Variants in PHYKPL observed in about 807,000 individuals in gnomAD.
PHYKPL encodes the protein 5-phosphohydroxy-L-lysine phospho-lyase.
PHYKPL carries 42 observed loss-of-function variants against 51.3 expected under a neutral mutation model. The ratio of observed to expected loss-of-function variants is 0.82; its 90% confidence interval spans 0.64 to 1.06. The LOEUF is 1.06. Ranked by LOEUF, PHYKPL falls within the 50% of genes least tolerant of loss-of-function variation. PHYKPL has a pLI of 0.00. For missense variants in PHYKPL, 655 were observed against 586.6 expected (o/e 1.12, Z -1.20); for synonymous variants, 264 against 236.0 (o/e 1.12, Z -1.09).
At chr5:178,231,113 G>A (rs1763306845) in intron 2 of PHYKPL, among the ~76,000 whole-genome samples, 1 of 152,186 alleles carries the variant, frequency 6.6e-6, no homozygotes, top group African/African-American at 2.4e-5. Context: ...GGCCAGCACT[G>A]TGCTACGTTG....
At chr5:178,207,148 G>T, downstream of PHYKPL, 2 of 1,614,150 alleles carry the variant, frequency 1.2e-6, no homozygotes, top group Non-Finnish European at 1.7e-6. Flanking sequence ...ACGAGGTTTT[G>T]TGTTTATCAC....
Position 178,232,744 on chromosome 5 carries a change from T to G in PHYKPL, c.-194A>C. On this transcript the variant is annotated 5_prime_UTR_variant, in exon 1 of 13. Transcript: ENST00000308158. ...CGCTTGCCCACTGGGCCTGGCAGCC[T>G]TCCGGCCCGTGGTCGTGCCTTGGCA... is the stretch of plus-strand genomic sequence containing the variant. 2 of 534,110 alleles carry G rather than the reference T, an allele frequency of 3.7e-6. No homozygotes were observed. The highest frequency in any genetic ancestry group is 5.5e-6 in the Non-Finnish European group (2 of 362,502). 33.1% of individuals were successfully genotyped at this position (534,110 alleles called of 1,614,324 possible). A position where few individuals can be genotyped will look rare whatever the true frequency, so the allele number is the denominator to read the frequency against.
intron 8 of PHYKPL, among the ~76,000 whole-genome samples, chr5:178,218,203 C>T (rs374307724): frequency 3.2e-5 from 3 of 94,920 alleles, no homozygotes; most frequent in Non-Finnish European, 5.5e-5. Flanking sequence ...GGTGACAGAG[C>T]GAAACTCCGT....
intron 3 of PHYKPL, chr5:178,228,069 T>C (rs1054034805): frequency 5.8e-6 from 1 of 171,384 alleles, no homozygotes; most frequent in Non-Finnish European, 1.3e-5. Flanking sequence ...CTGGAGATGT[T>C]TGTCAGATGT....
At chr5:178,231,717 T>C (rs142085224) in intron 1 of PHYKPL, 194 bp from the exon 2 acceptor site, 30 of 1,541,498 alleles carry the variant, frequency 1.9e-5, no homozygotes, top group Non-Finnish European at 2.5e-5. Flanking sequence ...GCAGATGGGG[T>C]AACAAGTCGC....
chr5:178,218,927 T>C lies in PHYKPL; in HGVS notation c.927+3428A>G, dbSNP rs551234410. Reference sequence around the variant, plus strand: ...TATAAGAAAAAAATTTGAGCCAACATTTTACTCCTGAAAACAGAGCAAGAC... The same window carrying C: ...TATAAGAAAAAAATTTGAGCCAACACTTTACTCCTGAAAACAGAGCAAGAC... On this transcript the variant is annotated intron_variant, in intron 8 of 12. Coordinates refer to ENST00000308158, the MANE Select transcript of PHYKPL (RefSeq NM_153373.4). 1.1e-4 allele frequency among the ~76,000 whole-genome samples: 17 copies of C among 152,102 alleles called. No individual in the cohort carries two copies. In the East Asian group the frequency reaches 3.1e-3, roughly 28 times the overall value.
At chr5:178,222,133 A>G (rs1233620512) in intron 8 of PHYKPL, among the ~76,000 whole-genome samples, 1 of 152,236 alleles carries the variant, frequency 6.6e-6, no homozygotes, top group Non-Finnish European at 1.5e-5. Context: ...TATATATTTT[A>G]TAAGACATGG....
downstream of PHYKPL, among the ~76,000 whole-genome samples, chr5:178,207,577 C>T (rs772751228): frequency 1.3e-5 from 2 of 151,930 alleles, no homozygotes; most frequent in African/African-American, 4.8e-5. Flanking sequence ...CTCAGAAGAT[C>T]CTAGAACTTC....
At chr5:178,231,915 C>T (rs1024207328) in intron 1 of PHYKPL, 1 of 1,290,998 alleles carries the variant, frequency 7.7e-7, no homozygotes, top group Non-Finnish European at 1.0e-6. Context: ...TGGCTCTCAG[C>T]CCTAAACAGC....
At position 178,232,739 on chromosome 5, in the gene PHYKPL, C is replaced by T; in HGVS notation, c.-189G>A. On this transcript the variant is annotated 5_prime_UTR_variant, in exon 1 of 13. Transcript: ENST00000308158. ...TTCTTCGCTTGCCCACTGGGCCTGG[C>T]AGCCTTCCGGCCCGTGGTCGTGCCT... 1.8e-6 allele frequency: 1 copy of T among 571,186 alleles called. No homozygotes were observed. Among genetic ancestry groups the T allele is most frequent in the Non-Finnish European group, 2.5e-6 (1 of 393,504 alleles). The allele number at this position is 571,186 out of a possible 1,614,324, so 35.4% of individuals were successfully genotyped here.
Position 178,213,115 on chromosome 5 carries a change from G to A in PHYKPL, c.1173-12C>T. 1.9e-6 allele frequency: 3 copies of A among 1,613,572 alleles called. No individual in the cohort carries two copies. The highest frequency in any genetic ancestry group is 2.5e-6 in the Non-Finnish European group (3 of 1,179,710). ...AGTTCTCCTTCAGCCTGTGAGGACA[G>A]GACACCCCTTCACATGGCCTTCAAG... is the stretch of plus-strand genomic sequence containing the variant. On this transcript the variant is annotated splice_polypyrimidine_tract_variant and intron_variant, in intron 10 of 12. Coordinates refer to ENST00000308158, the MANE Select transcript of PHYKPL (RefSeq NM_153373.4).
At chr5:178,225,695 A>T in intron 3 of PHYKPL, 1 of 492,964 alleles carries the variant, frequency 2.0e-6, no homozygotes, top group Non-Finnish European at 3.7e-6. Context: ...AAAAAACCCA[A>T]ACCATTGTTT....
intron 12 of PHYKPL, chr5:178,210,325 G>A: frequency 6.2e-7 from 1 of 1,611,794 alleles, no homozygotes; most frequent in East Asian, 2.2e-5. Context: ...CCCAGGGGAG[G>A]CAGGACAGTG....
intron 12 of PHYKPL, chr5:178,210,665 T>C: frequency 6.7e-7 from 1 of 1,486,442 alleles, no homozygotes; most frequent in Non-Finnish European, 9.4e-7. Context: ...ACATGCTTTG[T>C]TTGGATATGG....
intron 3 of PHYKPL, among the ~76,000 whole-genome samples, chr5:178,226,255 T>G (rs1762276600): frequency 1.3e-5 from 2 of 151,834 alleles, no homozygotes; most frequent in Non-Finnish European, 1.5e-5. Context: ...TTTCGTATTT[T>G]CAGTAAAGAC....
chr5:178,230,018 T>G lies in PHYKPL; in HGVS notation c.260A>C (p.Asp87Ala), dbSNP rs1217261004. 2 of 1,614,220 alleles carry G rather than the reference T, an allele frequency of 1.2e-6. No homozygotes were observed. The highest frequency in any genetic ancestry group is 1.7e-6 in the Non-Finnish European group (2 of 1,180,034). The change falls in exon 3 of 13, where the codon GAC becomes GCC. Residue 87 changes from aspartate to alanine, a missense_variant. Physicochemically the swap from Asp to Ala is moderately radical, Grantham distance 126. Coordinates refer to ENST00000308158, the MANE Select transcript of PHYKPL (RefSeq NM_153373.4). ...VLNTNSRYLHDNIVDYAQRLS... is the reference protein window; with the variant it reads ...VLNTNSRYLHANIVDYAQRLS... ...CCTCTGCGCATAGTCCACGATGTTG[T>G]CATGCAGGTACCGGCTGTTGGTGTT...
intron 8 of PHYKPL, among the ~76,000 whole-genome samples, chr5:178,217,223 C>T (rs771101329): frequency 7.0e-6 from 1 of 142,164 alleles, no homozygotes; most frequent in Non-Finnish European, 1.5e-5. Flanking sequence ...AGAGGCTCAA[C>T]AGATTTTTTT....
At chr5:178,229,612 C>A in intron 3 of PHYKPL, 1 of 217,034 alleles carries the variant, frequency 4.6e-6, no homozygotes, top group Non-Finnish European at 9.3e-6. Flanking sequence ...TTTGAAGAAT[C>A]ACTTGATGTT....
intron 12 of PHYKPL, chr5:178,209,469 A>G (rs759726536): frequency 1.1e-5 from 17 of 1,597,886 alleles, no homozygotes; most frequent in Non-Finnish European, 1.5e-5. Context: ...GTGGATGAAG[A>G]TAGGTCCTGT....
Sources: allele counts gnomAD v4.1 joint callset (sites outside exome capture counted in the v4.1 genomes callset), GRCh38; gene constraint gnomAD v4.1.1; transcripts MANE v1.5; gene names NCBI Gene and HGNC (gene_info 2026-07-23, HGNC 2026-07-21).